The following TMEM178B variants were observed in gnomAD, a reference collection of about 807,000 sequenced individuals.
TMEM178B encodes the protein transmembrane protein 178B.
TMEM178B carries 5 observed loss-of-function variants against 31.0 expected under a neutral mutation model. The observed-to-expected ratio is 0.16, with a 90% confidence interval of 0.08 to 0.34. The LOEUF is 0.34. TMEM178B is among the 10% of genes least tolerant of loss of function. The pLI is 1.00. For missense variants in TMEM178B, 275 were observed against 400.3 expected, an observed-to-expected ratio of 0.69 and a Z score of 2.67; for synonymous variants, 164 against 164.0, an observed-to-expected ratio of 1.00 and a Z score of 0.00.
intron 2 of TMEM178B, among the ~76,000 whole-genome samples, chr7:141,233,147 AACACTGCTGTCAGC>A (rs1317514437): frequency 3.3e-5 from 5 of 152,204 alleles, no homozygotes; most frequent in Non-Finnish European, 7.3e-5. Flanking sequence ...CTCTCCTGTG[AACACTGCTGTCAGC>A]ACACTATTTA....
chr7:141,090,230 G>A (rs181553363), intron 1 of TMEM178B, among the ~76,000 whole-genome samples: 34 of 151,658 alleles, frequency 2.2e-4, no homozygotes, highest in Non-Finnish European at 4.0e-4. Flanking sequence ...CTGTGGCCCC[G>A]GCTGGAGTGC....
At chr7:141,374,681 A>C (rs868709327) in intron 2 of TMEM178B, among the ~76,000 whole-genome samples, 2 of 152,206 alleles carry the variant, frequency 1.3e-5, no homozygotes, top group African/African-American at 4.8e-5. Flanking sequence ...TTAAGCATTC[A>C]TGGGACTTCC....
At chr7:141,488,728 G>A in the TMEM178B span, among the ~76,000 whole-genome samples, 1 of 152,164 alleles carries the variant, frequency 6.6e-6, no homozygotes, top group Non-Finnish European at 1.5e-5. Context: ...ATGAGCCACC[G>A]CGCCCGGCCT....
chr7:141,187,774 CT>C (rs2129184635), intron 1 of TMEM178B, among the ~76,000 whole-genome samples: 1 of 152,286 alleles, frequency 6.6e-6, no homozygotes, highest in African/African-American at 2.4e-5. Context: ...CCTTCGCCCA[CT>C]TTTTGATGGG....
At chr7:141,507,442 G>A in the TMEM178B span, among the ~76,000 whole-genome samples, 2 of 152,098 alleles carry the variant, frequency 1.3e-5, no homozygotes, top group Non-Finnish European at 2.9e-5. Context: ...GCACGATCTT[G>A]GCTCACTGCA....
intron 2 of TMEM178B, among the ~76,000 whole-genome samples, chr7:141,232,597 A>G (rs1474103780): frequency 6.6e-6 from 1 of 152,240 alleles, no homozygotes; most frequent in Non-Finnish European, 1.5e-5. Flanking sequence ...ACACAAGCAC[A>G]GCATTGCTTT....
intron 1 of TMEM178B, among the ~76,000 whole-genome samples, chr7:141,130,854 T>G (rs1795583065): frequency 1.3e-5 from 2 of 152,210 alleles, no homozygotes; most frequent in South Asian, 4.1e-4. Flanking sequence ...ACTTCACACC[T>G]TAATTAGAAA....
intron 2 of TMEM178B, among the ~76,000 whole-genome samples, chr7:141,292,281 C>T (rs1453548152): frequency 1.3e-5 from 2 of 152,236 alleles, no homozygotes; most frequent in African/African-American, 4.8e-5. Context: ...TCCTTCTCAA[C>T]CTACTGTGTC....
intron 1 of TMEM178B, among the ~76,000 whole-genome samples, chr7:141,179,854 C>T (rs973503291): frequency 7.2e-5 from 11 of 152,264 alleles, no homozygotes; most frequent in Non-Finnish European, 1.2e-4. Flanking sequence ...TCTTAATGCA[C>T]TTTACTCTCC....
intron 2 of TMEM178B, among the ~76,000 whole-genome samples, chr7:141,431,787 A>ATACAAGC (rs1801433939): frequency 6.6e-6 from 1 of 152,224 alleles, no homozygotes; most frequent in East Asian, 1.9e-4. Context: ...GGGGAAAGAA[A>ATACAAGC]TACAAGCTAT....
intron 2 of TMEM178B, among the ~76,000 whole-genome samples, chr7:141,389,190 G>A (rs1800489353): frequency 6.6e-6 from 1 of 152,150 alleles, no homozygotes; most frequent in East Asian, 1.9e-4. Context: ...ACTCACGTTA[G>A]GTTCAAGAGG....
At chr7:141,497,037 G>C in the TMEM178B span, among the ~76,000 whole-genome samples, 18 of 152,044 alleles carry the variant, frequency 1.2e-4, no homozygotes, top group Non-Finnish European at 2.1e-4. Flanking sequence ...TCAGTGTGGG[G>C]CTGCAGGCTT....
At chr7:141,324,425 T>TA (rs1217136388) in intron 2 of TMEM178B, among the ~76,000 whole-genome samples, 1 of 51,750 alleles carries the variant, frequency 1.9e-5, no homozygotes, top group Admixed American at 1.7e-4. Context: ...GGTTTTTTTT[T>TA]TTTTTTTTTT....
At chr7:141,509,516 G>T in the TMEM178B span, among the ~76,000 whole-genome samples, 1 of 152,060 alleles carries the variant, frequency 6.6e-6, no homozygotes, top group Non-Finnish European at 1.5e-5. Context: ...TGGGCATGGT[G>T]GCGGGCGCCT....
chr7:141,351,903 GC>G (rs2116531030), intron 2 of TMEM178B: 1 of 152,466 alleles, frequency 6.6e-6, no homozygotes, highest in African/African-American at 2.4e-5. Context: ...GACTTGAGAG[GC>G]TGTGAGACAG....
chr7:141,113,665 G>T (rs554775737), intron 1 of TMEM178B, among the ~76,000 whole-genome samples: 4 of 152,258 alleles, frequency 2.6e-5, no homozygotes, highest in African/African-American at 9.6e-5. Flanking sequence ...GGTTCCTCTT[G>T]ATGTCTACCT....
chr7:141,443,525 C>T (rs374006909), intron 3 of TMEM178B, among the ~76,000 whole-genome samples: 20 of 152,250 alleles, frequency 1.3e-4, no homozygotes, highest in Middle Eastern at 3.4e-3. Context: ...GTTTTTCTCA[C>T]GATTAGACTG....
At chr7:141,507,943 C>T in the TMEM178B span, among the ~76,000 whole-genome samples, 1 of 152,244 alleles carries the variant, frequency 6.6e-6, no homozygotes, top group South Asian at 2.1e-4. Context: ...GGCCTAGAGA[C>T]ATTTTCCCCA....
chr7:141,192,396 A>G (rs557099637), intron 1 of TMEM178B, among the ~76,000 whole-genome samples: 3 of 152,268 alleles, frequency 2.0e-5, no homozygotes, highest in African/African-American at 4.8e-5. Flanking sequence ...TCCAGCAGAA[A>G]AAAGCACCAA....
Sources: allele counts gnomAD v4.1 joint callset (sites outside exome capture counted in the v4.1 genomes callset), GRCh38; gene constraint gnomAD v4.1.1; transcripts MANE v1.5; gene names NCBI Gene and HGNC (gene_info 2026-07-23, HGNC 2026-07-21).